Variants in KIF20B observed in about 807,000 individuals in gnomAD.
KIF20B encodes the protein kinesin family member 20B.
KIF20B carries 188 observed loss-of-function variants against 232.5 expected under a neutral mutation model. The observed-to-expected ratio is 0.81, with a 90% CI of 0.72 to 0.91. The LOEUF (loss-of-function observed/expected upper bound fraction) is 0.91. Ranked by LOEUF, KIF20B falls within the 40% of genes least tolerant of loss-of-function variation. The probability of loss-of-function intolerance (pLI) is 0.00; values close to 1 mark genes in which losing one functional copy is unlikely to be tolerated. For synonymous variants in KIF20B, 712 were observed against 683.0 expected (o/e 1.04, Z -0.66); for missense variants, 2,154 against 2,055.9 (o/e 1.05, Z -0.92).
At chr10:89,737,295 C>A in intron 19 of KIF20B, 92 bp from the exon 20 acceptor site, 2 of 1,201,292 alleles carry the variant, frequency 1.7e-6, no homozygotes, top group Non-Finnish European at 2.1e-6. Context: ...TTTACTTTTA[C>A]ATGTTTTGTA....
rs1413873778 is a variant in KIF20B, at chr10:89,743,789, T to C, written c.3916-19T>C. ...TATTTTTAAAATATTCCATTTGTTT[T>C]ATAAACATTATTTTGTAGGTATCTG... On this transcript the variant is annotated intron_variant, in intron 21 of 32. Transcript: ENST00000371728. 1 of 1,382,702 alleles carries C rather than the reference T, an allele frequency of 7.2e-7. No homozygotes were observed. The highest frequency in any genetic ancestry group is 2.5e-5 in the Admixed American group (1 of 39,326). The allele number at this position is 1,382,702 out of a possible 1,614,324, so 85.7% of individuals were successfully genotyped here. A position where few individuals can be genotyped will look rare whatever the true frequency, so the allele number is the denominator to read the frequency against.
chr10:89,711,456 T>C (rs1447128273), intron 6 of KIF20B, among the ~76,000 whole-genome samples: 1 of 152,140 alleles, frequency 6.6e-6, no homozygotes, highest in African/African-American at 2.4e-5. Flanking sequence ...AAGTAATATG[T>C]ACCCAAAATT....
At chr10:89,733,881 A>G (rs1326890165) in intron 19 of KIF20B, among the ~76,000 whole-genome samples, 1 of 152,210 alleles carries the variant, frequency 6.6e-6, no homozygotes, top group Non-Finnish European at 1.5e-5. Flanking sequence ...ACAGCTTCCC[A>G]AGAACATTTA....
intron 19 of KIF20B, 141 bp downstream of exon 19, chr10:89,733,197 A>G (rs944365948): frequency 2.5e-6 from 2 of 786,986 alleles, no homozygotes; most frequent in Non-Finnish European, 4.1e-6. Context: ...TTTATTCTGG[A>G]AAGTTATACA....
At chr10:89,719,884 CCTT>C (rs1309536237) in intron 13 of KIF20B, among the ~76,000 whole-genome samples, 178 bp downstream of exon 13, 4 of 152,028 alleles carry the variant, frequency 2.6e-5, no homozygotes, top group Non-Finnish European at 5.9e-5. Flanking sequence ...ACTCATTTAT[CCTT>C]CACCTGGATT....
intron 23 of KIF20B, 88 bp from the exon 24 acceptor site, chr10:89,751,257 TA>T: frequency 1.8e-6 from 2 of 1,082,850 alleles, no homozygotes; most frequent in Non-Finnish European, 2.7e-6. Flanking sequence ...TTACAGTTAA[TA>T]AAAATGTATT....
chr10:89,773,164 G>A (rs944506161), intron 32 of KIF20B, among the ~76,000 whole-genome samples: 1 of 151,676 alleles, frequency 6.6e-6, no homozygotes, highest in African/African-American at 2.4e-5. Flanking sequence ...CTGGGCCCAA[G>A]TGTTCCTGGT....
chr10:89,709,972 A>G lies in KIF20B; in HGVS notation c.397A>G (p.Ile133Val), dbSNP rs149777607. Residue 133 changes from isoleucine to valine, a missense_variant, in exon 5 of 33, where the codon ATT becomes GTT. Ile to Val is a conservative substitution (Grantham distance 29). Coordinates refer to ENST00000371728, the MANE Select transcript of KIF20B (RefSeq NM_001284259.2). ...TTQKEFFQGC[I>V]MQPVKDLLKG... ...ACAGAAGGAATTCTTTCAGGGTTGC[A>G]TTATGCAACCAGTAAAAGACCTCTT... The G allele has an allele frequency of 1.0e-4, 164 of 1,610,400 alleles. No homozygotes were observed. The African/African-American group carries it at 2.1e-3, about 20-fold the overall frequency.
chr10:89,767,245 A>G (rs1564676674), intron 29 of KIF20B, among the ~76,000 whole-genome samples: 2 of 150,266 alleles, frequency 1.3e-5, no homozygotes, highest in Admixed American at 6.7e-5. Flanking sequence ...GTTTTGTTAC[A>G]TAGGTATACA....
intron 13 of KIF20B, 88 bp from the exon 14 acceptor site, chr10:89,723,876 T>G (rs1305420556): frequency 3.8e-6 from 4 of 1,047,720 alleles, no homozygotes; most frequent in Non-Finnish European, 5.1e-6. Context: ...TGACTAAATG[T>G]AAAGTTTTAT....
At chr10:89,722,374 A>G (rs1405698134) in intron 13 of KIF20B, among the ~76,000 whole-genome samples, 1 of 152,222 alleles carries the variant, frequency 6.6e-6, no homozygotes, top group Non-Finnish European at 1.5e-5. Flanking sequence ...ATTATTGAAA[A>G]CTATTAAACT....
chr10:89,748,798 T>A (rs773748752), intron 23 of KIF20B, among the ~76,000 whole-genome samples: 5 of 152,212 alleles, frequency 3.3e-5, no homozygotes, highest in African/African-American at 1.2e-4. Context: ...CATATTTTAA[T>A]TTTTGTTTTC....
intron 9 of KIF20B, among the ~76,000 whole-genome samples, 193 bp from the exon 10 acceptor site, chr10:89,717,231 G>A (rs534682231): frequency 2.3e-4 from 35 of 152,252 alleles, no homozygotes; most frequent in African/African-American, 7.9e-4. Flanking sequence ...CTAGGCAAAA[G>A]GTGATTTTAG....
chr10:89,747,520 AT>A (rs1373011556), intron 23 of KIF20B, among the ~76,000 whole-genome samples: 3 of 151,218 alleles, frequency 2.0e-5, no homozygotes, highest in African/African-American at 7.3e-5. Flanking sequence ...GATGAAGAAA[AT>A]GTGGCACATA....
chr10:89,716,556 TA>T lies in KIF20B; in HGVS notation c.1052+12del. ...AATGCTTCCAGTAGAAGGTAAAGAA[TA>T]AACTCTGTAAGAGTAAACTCGAATC... On this transcript the variant is annotated intron_variant, in intron 9 of 32. Coordinates refer to ENST00000371728, the MANE Select transcript of KIF20B (RefSeq NM_001284259.2). 1 of 1,285,274 alleles carries T rather than the reference TA, an allele frequency of 7.8e-7. No homozygotes were observed. The highest frequency in any genetic ancestry group is 1.1e-6 in the Non-Finnish European group (1 of 896,210). 79.6% of individuals were successfully genotyped at this position (1,285,274 alleles called of 1,614,324 possible). A position where few individuals can be genotyped will look rare whatever the true frequency, so the allele number is the denominator to read the frequency against.
intron 21 of KIF20B, 64 bp downstream of exon 21, chr10:89,739,160 CTTAGACA>C (rs1841739238): frequency 1.3e-6 from 2 of 1,501,366 alleles, no homozygotes; most frequent in East Asian, 2.3e-5. Context: ...ATATATCAAA[CTTAGACA>C]TTAATCTTAG....
At position 89,726,496 on chromosome 10, in the gene KIF20B, A is replaced by T. The variant is rs183238428; in HGVS notation, c.2205A>T (p.Lys735Asn). Residue 735 changes from lysine to asparagine, a missense_variant, in exon 16 of 33, where the codon AAA (lysine) becomes AAT (asparagine). Transcript: ENST00000371728. ...AKTKGELIKT[K>N]EELKKRENES... Reference sequence around the variant, plus strand: ...CCAAAGGAGAATTAATCAAAACCAAAGAAGAGTTAAAAAAGAGAGAAAATG... The same window carrying T: ...CCAAAGGAGAATTAATCAAAACCAATGAAGAGTTAAAAAAGAGAGAAAATG... The T allele has an allele frequency of 7.5e-6, 12 of 1,598,170 alleles. No individual in the cohort carries two copies. In the African/African-American group the frequency reaches 1.3e-4, roughly 18 times the overall value.
chr10:89,718,683 A>C (rs1842985754), intron 11 of KIF20B, 27 bp from the exon 12 acceptor site: 2 of 1,575,342 alleles, frequency 1.3e-6, no homozygotes, highest in Admixed American at 1.8e-5. Flanking sequence ...TTTAACTTAC[A>C]ATGTTTTCTG....
chr10:89,740,559 G>C (rs1841776297), intron 21 of KIF20B, among the ~76,000 whole-genome samples: 1 of 152,090 alleles, frequency 6.6e-6, no homozygotes, highest in Non-Finnish European at 1.5e-5. Flanking sequence ...TTGGTCTTTT[G>C]GTGAGTAGCC....
Sources: allele counts gnomAD v4.1 joint callset (sites outside exome capture counted in the v4.1 genomes callset), GRCh38; gene constraint gnomAD v4.1.1; transcripts MANE v1.5; gene names NCBI Gene and HGNC (gene_info 2026-07-23, HGNC 2026-07-21).